The following SGCD variants were observed in gnomAD, a reference collection of about 807,000 sequenced individuals.
The protein encoded by SGCD is sarcoglycan delta.
SGCD carries 18 observed loss-of-function variants against 36.6 expected under a neutral mutation model. The ratio of observed to expected loss-of-function variants is 0.49; its 90% CI spans 0.34 to 0.73. The LOEUF (loss-of-function observed/expected upper bound fraction) is 0.73, where lower values mean the gene tolerates loss of function less well. Among genes scored for constraint, SGCD ranks in the 30% least tolerant of loss-of-function variants. The pLI, the probability that SGCD is intolerant of heterozygous loss-of-function variation, is 0.01. For missense variants in SGCD, 387 were observed against 346.7 expected, an observed-to-expected ratio of 1.12 and a Z score of -0.92; for synonymous variants, 133 against 130.6, an observed-to-expected ratio of 1.02 and a Z score of -0.12.
intron 1 of SGCD, among the ~76,000 whole-genome samples, chr5:156,048,669 G>A (rs574824863): frequency 1.9e-3 from 286 of 152,226 alleles, no homozygotes; most frequent in African/African-American, 6.7e-3. Flanking sequence ...TTTTGATGGG[G>A]TTGTTTGTTT....
intron 3 of SGCD, among the ~76,000 whole-genome samples, chr5:156,217,057 G>A (rs10072065): frequency 1.7e-3 from 256 of 152,104 alleles, no homozygotes; most frequent in African/African-American, 5.8e-3. Flanking sequence ...CAGCCTGGGG[G>A]ACAGAGTGAG....
chr5:155,833,923 G>C, the SGCD span, among the ~76,000 whole-genome samples: 1 of 152,216 alleles, frequency 6.6e-6, no homozygotes, highest in African/African-American at 2.4e-5. Flanking sequence ...GAAAGGCCTA[G>C]ATAACTTGTT....
intron 3 of SGCD, among the ~76,000 whole-genome samples, chr5:156,257,664 G>A (rs1765750145): frequency 6.6e-6 from 1 of 152,030 alleles, no homozygotes; most frequent in Non-Finnish European, 1.5e-5. Context: ...AGGAGTTTGA[G>A]ACTAGCCTGG....
At chr5:155,881,693 G>T (rs1206553597) in intron 1 of SGCD, among the ~76,000 whole-genome samples, 4 of 152,136 alleles carry the variant, frequency 2.6e-5, no homozygotes, top group African/African-American at 9.7e-5. Context: ...CTGTTTGATA[G>T]GGTTTTACCC....
chr5:155,786,957 A>G, the SGCD span, among the ~76,000 whole-genome samples: 3 of 152,194 alleles, frequency 2.0e-5, no homozygotes, highest in East Asian at 3.9e-4. Flanking sequence ...TAATTTGTGC[A>G]GATACTGATG....
rs1369536724 is a variant in SGCD, at chr5:156,762,868, T to C, written c.*3478T>C. On this transcript the variant is annotated 3_prime_UTR_variant, in exon 9 of 9. Transcript: ENST00000337851. ...TGGATATAGCAGGAAAGAAAGCACA[T>C]TTCCAAACAGCAGGGAGTAAGCTTA... 1.3e-5 allele frequency: 2 copies of C among 152,212 alleles called. No homozygotes were observed. The highest frequency in any genetic ancestry group is 1.3e-4 in the Admixed American group (2 of 15,282). 9.4% of individuals were successfully genotyped at this position (152,212 alleles called of 1,614,324 possible).
In SGCD at chr5:156,765,561, A is replaced by G. The variant is rs1757572734; in HGVS notation, c.*6171A>G. On this transcript the variant is annotated 3_prime_UTR_variant, in exon 9 of 9. Coordinates refer to ENST00000337851, the MANE Select transcript of SGCD (RefSeq NM_000337.6). ...TATTCTATTATTCAATTTTAAGAAT[A>G]TTTATTAATATTCACTGAGCTATTG... is the stretch of plus-strand genomic sequence containing the variant. The G allele has an allele frequency of 6.6e-6, 1 of 152,214 alleles. No homozygotes were observed. The allele number at this position is 152,214 out of a possible 1,614,324, so 9.4% of individuals were successfully genotyped here. A position where few individuals can be genotyped will look rare whatever the true frequency, so the allele number is the denominator to read the frequency against.
At chr5:156,205,808 C>T (rs758048440) in intron 3 of SGCD, among the ~76,000 whole-genome samples, 1 of 151,702 alleles carries the variant, frequency 6.6e-6, no homozygotes. Context: ...TGGGGAAATA[C>T]AGTTATCTAG....
At chr5:156,710,793 T>C (rs1754954911) in intron 7 of SGCD, among the ~76,000 whole-genome samples, 1 of 152,164 alleles carries the variant, frequency 6.6e-6, no homozygotes, top group Non-Finnish European at 1.5e-5. Context: ...AGGCAATAGA[T>C]GGCAAATGTT....
intron 1 of SGCD, among the ~76,000 whole-genome samples, chr5:155,990,509 A>C (rs1433878819): frequency 6.6e-6 from 1 of 152,180 alleles, no homozygotes; most frequent in Non-Finnish European, 1.5e-5. Flanking sequence ...TGGGATTTCC[A>C]CATGAATTGA....
intron 3 of SGCD, among the ~76,000 whole-genome samples, chr5:156,156,587 G>T (rs565522828): frequency 6.6e-6 from 1 of 151,694 alleles, no homozygotes; most frequent in South Asian, 2.1e-4. Context: ...TCGCGCCACT[G>T]CACTCCAGAC....
chr5:156,101,919 TGTGTGTGTGTGTGTGTGTGTGTGA>T (rs1761526968), intron 1 of SGCD, among the ~76,000 whole-genome samples: 1 of 149,606 alleles, frequency 6.7e-6, no homozygotes, highest in Admixed American at 6.7e-5. Flanking sequence ...TGTGTGTGTG[TGTGTGTGTGTGTGTGTGTGTGTGA>T]GAGAGAGAGA....
intron 1 of SGCD, among the ~76,000 whole-genome samples, chr5:155,878,983 T>G (rs244989): frequency 0.58 from 88,741 of 151,844 alleles, 29,108 homozygotes; most frequent in African/African-American, 0.89. Flanking sequence ...TATGAGTAAG[T>G]TTAACATTGT....
chr5:155,857,100 C>T, the SGCD span, among the ~76,000 whole-genome samples: 9,691 of 152,010 alleles, frequency 0.064, 372 homozygotes, highest in Middle Eastern at 0.14. Flanking sequence ...AGCCAGGCAT[C>T]ATGGGGCATG....
At chr5:156,219,384 T>C (rs1764660375) in intron 3 of SGCD, among the ~76,000 whole-genome samples, 1 of 152,216 alleles carries the variant, frequency 6.6e-6, no homozygotes, top group South Asian at 2.1e-4. Flanking sequence ...TATACACATA[T>C]GTATGTGTGT....
chr5:156,127,867 A>C (rs1581116064), intron 3 of SGCD, among the ~76,000 whole-genome samples: 1 of 148,940 alleles, frequency 6.7e-6, no homozygotes, highest in East Asian at 1.9e-4. Flanking sequence ...AAAAAAAAAA[A>C]AAAAAAAAAA....
chr5:156,630,307 C>T (rs542138418), intron 6 of SGCD, among the ~76,000 whole-genome samples: 2 of 152,216 alleles, frequency 1.3e-5, no homozygotes, highest in African/African-American at 4.8e-5. Flanking sequence ...TGACACATAA[C>T]AGGTACTCAA....
intron 1 of SGCD, among the ~76,000 whole-genome samples, chr5:156,065,293 C>G (rs1760311023): frequency 2.3e-5 from 1 of 43,598 alleles, no homozygotes; most frequent in Non-Finnish European, 3.8e-5. Flanking sequence ...GCACTGTGGT[C>G]TGAGAGATAG....
At chr5:156,327,131 A>T (rs1263806912), upstream of SGCD, 1 of 152,158 alleles carries the variant, frequency 6.6e-6, no homozygotes, top group Non-Finnish European at 1.5e-5. Context: ...CTGGGCCTGC[A>T]CACACTCAGC....
Sources: gnomAD v4.1 joint callset for allele counts (sites outside exome capture counted in the v4.1 genomes callset) on GRCh38, gnomAD v4.1.1 for gene constraint, MANE v1.5 for transcripts, NCBI Gene and HGNC (gene_info 2026-07-23, HGNC 2026-07-21) for gene names.